CACNA2D3: variants seen among roughly 807,000 people sequenced by gnomAD.
CACNA2D3 encodes calcium voltage-gated channel auxiliary subunit alpha2delta 3, also known as voltage-dependent calcium channel subunit alpha-2/delta-3.
In CACNA2D3, 60 loss-of-function variants were observed where a neutral mutation model predicts 160.6. The ratio of observed to expected loss-of-function variants is 0.37; its 90% confidence interval spans 0.30 to 0.46. CACNA2D3 has a LOEUF of 0.46. Among genes scored for constraint, CACNA2D3 ranks in the 20% least tolerant of loss-of-function variants. CACNA2D3 has a pLI of 1.00. For synonymous variants in CACNA2D3, 558 were observed against 492.9 expected, an observed-to-expected ratio of 1.13 and a Z score of -1.75; for missense variants, 1,205 against 1,365.0, an observed-to-expected ratio of 0.88 and a Z score of 1.85.
At chr3:54,593,028 C>T (rs1435013744) in intron 9 of CACNA2D3, among the ~76,000 whole-genome samples, 1 of 152,168 alleles carries the variant, frequency 6.6e-6, no homozygotes, top group Non-Finnish European at 1.5e-5. Flanking sequence ...CCCTTCTGCA[C>T]ATGGGCAAAT....
At chr3:54,486,898 A>G (rs1279475778) in intron 4 of CACNA2D3, among the ~76,000 whole-genome samples, 1 of 152,116 alleles carries the variant, frequency 6.6e-6, no homozygotes, top group African/African-American at 2.4e-5. Flanking sequence ...GGCCAAAGCA[A>G]CCTTATTCAC....
chr3:54,183,604 G>C (rs1368843927), intron 2 of CACNA2D3, among the ~76,000 whole-genome samples: 1 of 151,992 alleles, frequency 6.6e-6, no homozygotes, highest in Non-Finnish European at 1.5e-5. Flanking sequence ...TAAGAGCCTG[G>C]CTGGGTACGG....
intron 12 of CACNA2D3, among the ~76,000 whole-genome samples, chr3:54,762,694 C>T (rs1702101194): frequency 6.6e-6 from 1 of 152,192 alleles, no homozygotes; most frequent in South Asian, 2.1e-4. Context: ...ACCCCAAGCT[C>T]TACAGCAGTA....
chr3:54,241,943 G>C (rs989651822), intron 2 of CACNA2D3, among the ~76,000 whole-genome samples: 3 of 152,182 alleles, frequency 2.0e-5, no homozygotes, highest in Non-Finnish European at 4.4e-5. Context: ...GATTCAGTGA[G>C]AGTTTGTATA....
intron 2 of CACNA2D3, among the ~76,000 whole-genome samples, chr3:54,203,783 G>A (rs1312656311): frequency 6.6e-6 from 1 of 152,018 alleles, no homozygotes; most frequent in East Asian, 1.9e-4. Context: ...CTCGCTGTCC[G>A]GCCGCTTGTG....
chr3:54,456,934 T>G (rs1445325827), intron 4 of CACNA2D3, among the ~76,000 whole-genome samples: 1 of 151,988 alleles, frequency 6.6e-6, no homozygotes, highest in Non-Finnish European at 1.5e-5. Flanking sequence ...TTCTGTAGTA[T>G]CAGCTGTAAT....
At chr3:54,374,444 A>T (rs1174063178) in intron 3 of CACNA2D3, among the ~76,000 whole-genome samples, 1 of 152,248 alleles carries the variant, frequency 6.6e-6, no homozygotes, top group African/African-American at 2.4e-5. Context: ...CCTACCGTAG[A>T]AGACACAGCT....
At chr3:54,932,674 A>G (rs1482592359) in intron 27 of CACNA2D3, among the ~76,000 whole-genome samples, 1 of 152,164 alleles carries the variant, frequency 6.6e-6, no homozygotes, top group Non-Finnish European at 1.5e-5. Flanking sequence ...AGGGGTCTCT[A>G]CGTGTGATGA....
In CACNA2D3 at chr3:54,503,561, G is replaced by A. The variant is rs552100021; in HGVS notation, c.451G>A (p.Glu151Lys). The A allele has an allele frequency of 2.5e-6, 4 of 1,613,622 alleles. No homozygotes were observed. The highest frequency in any genetic ancestry group is 2.2e-5 in the East Asian group (1 of 44,884). The change falls in exon 5 of 38, where the codon GAA becomes AAA. Residue 151 changes from glutamate to lysine, a missense_variant. By Grantham distance (56) the Glu-to-Lys change is moderately conservative. Around this residue, in one of 3 missense-constraint regions of CACNA2D3, gnomAD observed 131 missense variants for 201.5 expected, o/e 0.65. Coordinates refer to ENST00000474759, the MANE Select transcript of CACNA2D3 (RefSeq NM_018398.3). ...CGGGAATTTTTTGGAGCTGGGAAAG[G>A]AATTCATCTTAGCCCCAAATGACCA... ...KDGNFLELGK[E>K]FILAPNDHFN...
At chr3:54,527,041 G>C (rs149822951) in intron 5 of CACNA2D3, among the ~76,000 whole-genome samples, 1 of 152,160 alleles carries the variant, frequency 6.6e-6, no homozygotes, top group Non-Finnish European at 1.5e-5. Context: ...AAACCATGCC[G>C]TGGGGCATGA....
At chr3:55,043,040 T>C (rs539128786) in intron 35 of CACNA2D3, among the ~76,000 whole-genome samples, 2 of 152,300 alleles carry the variant, frequency 1.3e-5, no homozygotes, top group East Asian at 1.9e-4. Flanking sequence ...GAGTTTTTGG[T>C]GATTATGAAT....
At chr3:54,183,086 C>T (rs1438626389) in intron 2 of CACNA2D3, among the ~76,000 whole-genome samples, 1 of 152,034 alleles carries the variant, frequency 6.6e-6, no homozygotes, top group Non-Finnish European at 1.5e-5. Context: ...ATTCCCCCCC[C>T]AAAATATTTT....
intron 25 of CACNA2D3, among the ~76,000 whole-genome samples, chr3:54,893,968 T>C (rs1404313142): frequency 6.6e-6 from 1 of 152,020 alleles, no homozygotes. Context: ...GAGCCTGTTT[T>C]CAGTGTCCAT....
chr3:54,701,478 GT>G (rs996692040), intron 11 of CACNA2D3, among the ~76,000 whole-genome samples: 21 of 152,118 alleles, frequency 1.4e-4, no homozygotes, highest in African/African-American at 3.4e-4. Context: ...TGTTATAAAT[GT>G]TTTTTTCCCT....
intron 3 of CACNA2D3, among the ~76,000 whole-genome samples, chr3:54,358,509 G>A (rs1235082861): frequency 6.6e-6 from 1 of 152,192 alleles, no homozygotes; most frequent in Non-Finnish European, 1.5e-5. Context: ...GTAAAATTAG[G>A]ATGATAATGC....
In CACNA2D3 at chr3:54,716,599, T is replaced by C. The variant is rs1701055084; in HGVS notation, c.1168-36000T>C. 3.9e-5 allele frequency among the ~76,000 whole-genome samples: 6 copies of C among 152,338 alleles called. No homozygotes were observed. The South Asian group carries it at 1.2e-3, about 32-fold the overall frequency. On this transcript the variant is annotated intron_variant, in intron 11 of 37. Coordinates refer to ENST00000474759, the MANE Select transcript of CACNA2D3 (RefSeq NM_018398.3). Reference sequence around the variant, plus strand: ...CTCTGGGTGGGTGGGGGAGGATTTCTGGTCTCCTCCTGTCCTGTGTCTATG... The same window carrying C: ...CTCTGGGTGGGTGGGGGAGGATTTCCGGTCTCCTCCTGTCCTGTGTCTATG...
At chr3:54,908,677 A>G (rs760167656) in intron 27 of CACNA2D3, among the ~76,000 whole-genome samples, 4 of 152,238 alleles carry the variant, frequency 2.6e-5, no homozygotes, top group Non-Finnish European at 4.4e-5. Context: ...AGATCATGCC[A>G]TTGTGCTCCA....
chr3:54,606,591 T>C (rs1229147074), intron 9 of CACNA2D3, among the ~76,000 whole-genome samples: 1 of 151,966 alleles, frequency 6.6e-6, no homozygotes, highest in Non-Finnish European at 1.5e-5. Context: ...AGGATTGCCA[T>C]TTGCCGAGAT....
chr3:54,363,323 C>T (rs1201590453), intron 3 of CACNA2D3, among the ~76,000 whole-genome samples: 1 of 152,150 alleles, frequency 6.6e-6, no homozygotes, highest in African/African-American at 2.4e-5. Context: ...AAAGCTGGCC[C>T]TTAACCAGTT....
Sources: allele counts gnomAD v4.1 joint callset (sites outside exome capture counted in the v4.1 genomes callset), GRCh38; gene constraint gnomAD v4.1.1; regional missense constraint gnomAD v4.1.1; transcripts MANE v1.5; gene names NCBI Gene and HGNC (gene_info 2026-07-23, HGNC 2026-07-21).